Variants in IPCEF1 observed in about 807,000 individuals in gnomAD.
The protein encoded by IPCEF1 is interaction protein for cytohesin exchange factors 1, also known as interactor protein for cytohesin exchange factors 1.
In IPCEF1, 31 loss-of-function variants were observed where a neutral mutation model predicts 50.9. The ratio of observed to expected loss-of-function variants is 0.61; its 90% confidence interval spans 0.46 to 0.82. The LOEUF is 0.82. Among genes scored for constraint, IPCEF1 ranks in the 40% least tolerant of loss-of-function variants. The probability of loss-of-function intolerance (pLI) is 0.00; values close to 1 mark genes in which losing one functional copy is unlikely to be tolerated. For missense variants in IPCEF1, 458 were observed against 514.0 expected, an observed-to-expected ratio of 0.89 and a Z score of 1.05; for synonymous variants, 181 against 192.0, an observed-to-expected ratio of 0.94 and a Z score of 0.47.
At chr6:154,355,582 G>A (rs937051522) in intron 1 of IPCEF1, among the ~76,000 whole-genome samples, 9 of 151,500 alleles carry the variant, frequency 5.9e-5, no homozygotes, top group Middle Eastern at 3.4e-3. Flanking sequence ...TCCGCTTCCC[G>A]GGTTCAAGCA....
intron 1 of IPCEF1, among the ~76,000 whole-genome samples, chr6:154,317,312 G>A (rs1267290078): frequency 3.3e-5 from 5 of 152,000 alleles, no homozygotes; most frequent in Admixed American, 3.3e-4. Flanking sequence ...CACTTTGGGA[G>A]GCCGAGGTGG....
At chr6:154,195,390 G>T (rs1024070772) in intron 10 of IPCEF1, among the ~76,000 whole-genome samples, 1 of 151,814 alleles carries the variant, frequency 6.6e-6, no homozygotes, top group Non-Finnish European at 1.5e-5. Context: ...CTTGTGATCC[G>T]CCCACCTCGG....
chr6:154,188,306 T>G (rs1352496495), intron 10 of IPCEF1, among the ~76,000 whole-genome samples: 1 of 152,226 alleles, frequency 6.6e-6, no homozygotes, highest in South Asian at 2.1e-4. Flanking sequence ...TGTTCAAGAC[T>G]TTTCATAGAA....
chr6:154,262,355 T>C (rs1054390204), intron 3 of IPCEF1, among the ~76,000 whole-genome samples: 2 of 152,230 alleles, frequency 1.3e-5, no homozygotes, highest in African/African-American at 4.8e-5. Flanking sequence ...TGTTAGTCCT[T>C]TGGTAATCAC....
intron 1 of IPCEF1, among the ~76,000 whole-genome samples, chr6:154,328,657 T>C (rs1035394946): frequency 2.0e-5 from 3 of 152,154 alleles, no homozygotes; most frequent in Non-Finnish European, 4.4e-5. Flanking sequence ...CTTTTTAATC[T>C]TTCTCTCTCT....
intron 10 of IPCEF1, among the ~76,000 whole-genome samples, chr6:154,170,220 G>A (rs919142742): frequency 1.3e-5 from 2 of 152,144 alleles, no homozygotes; most frequent in Non-Finnish European, 2.9e-5. Context: ...AATACAATGA[G>A]ATTTCTTTTT....
At chr6:154,219,985 A>AGTGTGTGTGTGTGTGTGTGT (rs57450665) in intron 7 of IPCEF1, among the ~76,000 whole-genome samples, 21 of 140,138 alleles carry the variant, frequency 1.5e-4, no homozygotes, top group East Asian at 4.3e-4. Flanking sequence ...ACCTGTAAGG[A>AGTGTGTGTGTGTGTGTGTGT]GTGTGTGTGT....
chr6:154,355,757 G>A (rs1784206733), intron 1 of IPCEF1, among the ~76,000 whole-genome samples: 1 of 151,752 alleles, frequency 6.6e-6, no homozygotes, highest in Non-Finnish European at 1.5e-5. Context: ...CCAAAGTGCT[G>A]GGATTACAAG....
intron 11 of IPCEF1, among the ~76,000 whole-genome samples, 157 bp downstream of exon 11, chr6:154,167,763 C>T (rs1218626804): frequency 1.3e-5 from 2 of 152,162 alleles, no homozygotes; most frequent in Admixed American, 6.5e-5. Context: ...GCTTTAAGAA[C>T]GTCAAGATCA....
intron 11 of IPCEF1, among the ~76,000 whole-genome samples, chr6:154,163,696 AAATAAATG>A (rs1198678281): frequency 5.9e-5 from 9 of 152,234 alleles, no homozygotes; most frequent in Non-Finnish European, 8.8e-5. Flanking sequence ...ATAAAATAAG[AAATAAATG>A]AATAAATGAA....
intron 1 of IPCEF1, among the ~76,000 whole-genome samples, chr6:154,339,950 G>C (rs979744011): frequency 6.6e-6 from 1 of 152,072 alleles, no homozygotes; most frequent in African/African-American, 2.4e-5. Flanking sequence ...TCAGTAATGG[G>C]AGTGGGGGAA....
intron 1 of IPCEF1, among the ~76,000 whole-genome samples, chr6:154,350,888 A>AT (rs1554227143): frequency 6.6e-6 from 1 of 151,810 alleles, no homozygotes. Flanking sequence ...ACCTGGCCAC[A>AT]TTTTTTTGTT....
intron 1 of IPCEF1, among the ~76,000 whole-genome samples, chr6:154,314,910 T>C (rs1783175803): frequency 1.3e-5 from 2 of 149,396 alleles, no homozygotes; most frequent in Admixed American, 1.3e-4. Flanking sequence ...TTTGAGACAG[T>C]GTCTCTGTCA....
chr6:154,217,224 C>T (rs549436275), intron 7 of IPCEF1: 6 of 163,966 alleles, frequency 3.7e-5, no homozygotes, highest in African/African-American at 9.5e-5. Context: ...TTTAAAAGTG[C>T]AGAGAGTGAT....
chr6:154,212,972 C>A, intron 8 of IPCEF1, 117 bp from the exon 9 acceptor site: 1 of 735,978 alleles, frequency 1.4e-6, no homozygotes, highest in South Asian at 1.6e-5. Flanking sequence ...TCAGAAAGTT[C>A]ATATCTAATG....
intron 4 of IPCEF1, 30 bp from the exon 5 acceptor site, chr6:154,246,790 T>G: frequency 6.2e-7 from 1 of 1,605,926 alleles, no homozygotes; most frequent in Non-Finnish European, 8.5e-7. Flanking sequence ...AGGTAGATAA[T>G]GTATTACCCT....
chr6:154,194,061 C>T (rs753531714), intron 10 of IPCEF1, among the ~76,000 whole-genome samples: 17 of 152,318 alleles, frequency 1.1e-4, no homozygotes, highest in South Asian at 2.1e-4. Context: ...GCGTACTTAA[C>T]GCCCAGGGCA....
chr6:154,167,244 T>TG (rs1157703711), intron 11 of IPCEF1, among the ~76,000 whole-genome samples: 1 of 152,240 alleles, frequency 6.6e-6, no homozygotes, highest in African/African-American at 2.4e-5. Context: ...AATCTAAATG[T>TG]GAAAGCAGGA....
intron 1 of IPCEF1, among the ~76,000 whole-genome samples, chr6:154,291,680 GTTTTT>G (rs34064925): frequency 1.9e-5 from 2 of 104,508 alleles, no homozygotes; most frequent in Admixed American, 1.1e-4. Flanking sequence ...CTCAGGAAAG[GTTTTT>G]TTTTTTTTTT....
Sources: gnomAD v4.1 joint callset for allele counts (sites outside exome capture counted in the v4.1 genomes callset) on GRCh38, gnomAD v4.1.1 for gene constraint, MANE v1.5 for transcripts, NCBI Gene and HGNC (gene_info 2026-07-23, HGNC 2026-07-21) for gene names.